The following CENATAC variants were observed in gnomAD, a reference collection of about 807,000 sequenced individuals.
CENATAC encodes the protein coiled-coil domain containing 84.
A neutral mutation model predicts 53.7 loss-of-function variants in CENATAC; 53 were observed. The ratio of observed to expected loss-of-function variants is 0.99; its 90% CI spans 0.79 to 1.24. CENATAC has a LOEUF of 1.24. CENATAC is among the 50% of genes most tolerant of loss of function. CENATAC has a pLI of 0.00. For missense variants in CENATAC, 474 were observed against 417.8 expected, an observed-to-expected ratio of 1.13 and a Z score of -1.17; for synonymous variants, 156 against 144.6, an observed-to-expected ratio of 1.08 and a Z score of -0.57.
chr11:118,999,823 T>C (rs1013548885), intron 3 of CENATAC, among the ~76,000 whole-genome samples: 2 of 152,150 alleles, frequency 1.3e-5, no homozygotes, highest in African/African-American at 2.4e-5. Context: ...TTTGTATTTT[T>C]AGTAGAGACG....
At chr11:119,001,771 A>G (rs1315614805) in intron 3 of CENATAC, 1 of 439,590 alleles carries the variant, frequency 2.3e-6, no homozygotes, top group African/African-American at 2.0e-5. Context: ...GAAACTAATG[A>G]AACTGCCAGA....
intron 3 of CENATAC, chr11:119,009,648 C>T (rs1246389577): frequency 6.6e-6 from 1 of 152,186 alleles, no homozygotes; most frequent in Non-Finnish European, 1.5e-5. Flanking sequence ...AGCCTTTCAG[C>T]CACAATTCGG....
intron 3 of CENATAC, among the ~76,000 whole-genome samples, chr11:119,000,994 C>A: frequency 6.6e-6 from 1 of 152,124 alleles, no homozygotes; most frequent in East Asian, 1.9e-4. Context: ...ACATATCAAA[C>A]AATTCAGCTT....
intron 8 of CENATAC, 38 bp from the exon 9 acceptor site, chr11:119,014,956 C>T (rs1287633394): frequency 1.1e-6 from 1 of 893,062 alleles, no homozygotes; most frequent in African/African-American, 3.1e-5. Context: ...AGCCTGAAGA[C>T]TTAAAAAAAA....
At chr11:119,006,621 G>A (rs892213192) in intron 3 of CENATAC, among the ~76,000 whole-genome samples, 2 of 152,122 alleles carry the variant, frequency 1.3e-5, no homozygotes, top group African/African-American at 4.8e-5. Flanking sequence ...CACCCGCCTC[G>A]GCCTCCCAAA....
chr11:119,012,038 G>T (rs1942892269), intron 6 of CENATAC, 35 bp downstream of exon 6: 1 of 1,613,560 alleles, frequency 6.2e-7, no homozygotes, highest in African/African-American at 1.3e-5. Context: ...TTGGGAATTT[G>T]ACATCTTAGA....
At chr11:119,013,127 A>C in intron 7 of CENATAC, 105 bp from the exon 8 acceptor site, 1 of 817,130 alleles carries the variant, frequency 1.2e-6, no homozygotes, top group Middle Eastern at 2.4e-4. Context: ...GGCAGCAGTC[A>C]CACCCACCTC....
intron 3 of CENATAC, among the ~76,000 whole-genome samples, chr11:119,000,920 A>G (rs1046572158): frequency 2.6e-5 from 4 of 151,998 alleles, no homozygotes; most frequent in Non-Finnish European, 4.4e-5. Flanking sequence ...GATTTTGTCA[A>G]TGTGCATGGA....
At chr11:119,008,305 C>T (rs1385570750) in intron 3 of CENATAC, among the ~76,000 whole-genome samples, 1 of 152,132 alleles carries the variant, frequency 6.6e-6, no homozygotes, top group East Asian at 1.9e-4. Flanking sequence ...TTCATTATTT[C>T]AGCAAAAAGG....
At chr11:119,005,556 C>T (rs921664425) in intron 3 of CENATAC, among the ~76,000 whole-genome samples, 10 of 151,892 alleles carry the variant, frequency 6.6e-5, no homozygotes, top group African/African-American at 1.9e-4. Context: ...GCAATCCTCC[C>T]ACCTCAGCCT....
chr11:119,015,189 G>A (rs1943100341), intron 9 of CENATAC, 106 bp downstream of exon 9: 2 of 1,443,790 alleles, frequency 1.4e-6, no homozygotes, highest in Non-Finnish European at 9.5e-7. Flanking sequence ...ATTTTGGGAG[G>A]CTGAGGTGGG....
intron 3 of CENATAC, among the ~76,000 whole-genome samples, chr11:119,006,816 G>A (rs782302237): frequency 6.6e-6 from 1 of 152,240 alleles, no homozygotes; most frequent in Non-Finnish European, 1.5e-5. Flanking sequence ...AATCATGGGG[G>A]CGTTTTCCCC....
intron 7 of CENATAC, 82 bp from the exon 8 acceptor site, chr11:119,013,150 C>T: frequency 3.8e-6 from 4 of 1,045,812 alleles, no homozygotes; most frequent in Non-Finnish European, 5.8e-6. Flanking sequence ...TTAAAGTGTG[C>T]TTTGTCTATC....
intron 3 of CENATAC, among the ~76,000 whole-genome samples, chr11:119,002,195 G>A (rs1414912933): frequency 1.6e-4 from 21 of 127,432 alleles, no homozygotes; most frequent in African/African-American, 6.4e-4. Flanking sequence ...TTGCACTGCA[G>A]CCTGGGCAAC....
intron 8 of CENATAC, 121 bp from the exon 9 acceptor site, chr11:119,014,873 T>G (rs1943074354): frequency 4.7e-6 from 3 of 633,318 alleles, no homozygotes. Context: ...CCAGAATTCC[T>G]GGGCTTTGCT....
intron 5 of CENATAC, 84 bp from the exon 6 acceptor site, chr11:119,011,855 T>TA: frequency 8.6e-7 from 1 of 1,166,510 alleles, no homozygotes; most frequent in Non-Finnish European, 1.3e-6. Context: ...CTTCCTGTGA[T>TA]ACTGGGGTCT....
chr11:118,998,982 C>T (rs782198970), intron 2 of CENATAC, 29 bp from the exon 3 acceptor site: 1 of 1,479,938 alleles, frequency 6.8e-7, no homozygotes, highest in Non-Finnish European at 9.5e-7. Context: ...TAATCTATAG[C>T]TGAGATTACT....
intron 8 of CENATAC, among the ~76,000 whole-genome samples, chr11:119,013,533 G>A (rs1484732816): frequency 6.7e-6 from 1 of 149,006 alleles, no homozygotes; most frequent in African/African-American, 2.5e-5. Context: ...GCGGGATCTC[G>A]GCTCACTGCA....
intron 8 of CENATAC, chr11:119,014,736 G>A (rs1468740064): frequency 6.7e-6 from 2 of 298,176 alleles, no homozygotes; most frequent in Non-Finnish European, 1.2e-5. Context: ...AGATTGTAAT[G>A]GCTTCGCTCA....
Sources: allele counts gnomAD v4.1 joint callset (sites outside exome capture counted in the v4.1 genomes callset), GRCh38; gene constraint gnomAD v4.1.1; transcripts MANE v1.5; gene names NCBI Gene and HGNC (gene_info 2026-07-23, HGNC 2026-07-21).